The following LAD1 variants were observed in gnomAD, a reference collection of about 807,000 sequenced individuals.
LAD1 encodes ladinin 1.
In LAD1, 53 loss-of-function variants were observed where a neutral mutation model predicts 54.2. The ratio of observed to expected loss-of-function variants is 0.98; its 90% confidence interval spans 0.78 to 1.23. The LOEUF (loss-of-function observed/expected upper bound fraction) is 1.23, where lower values mean the gene tolerates loss of function less well. Ranked by LOEUF, LAD1 falls within the 50% of genes most tolerant of loss-of-function variation. The pLI is 0.00. For synonymous variants in LAD1, 231 were observed against 257.7 expected, an observed-to-expected ratio of 0.90 and a Z score of 0.99; for missense variants, 637 against 653.3, an observed-to-expected ratio of 0.98 and a Z score of 0.27.
chr1:201,389,075 C>T, intron 2 of LAD1, 85 bp downstream of exon 2: 1 of 1,493,052 alleles, frequency 6.7e-7, no homozygotes, highest in Non-Finnish European at 9.1e-7. Context: ...TGGGCCCCAA[C>T]TCCCTGAGCA....
chr1:201,398,219 G>A (rs1662334816), intron 1 of LAD1, among the ~76,000 whole-genome samples: 1 of 152,206 alleles, frequency 6.6e-6, no homozygotes, highest in South Asian at 2.1e-4. Context: ...CTAGAGCACT[G>A]GAAAAACCTG....
At chr1:201,395,261 A>C (rs1662268878) in intron 1 of LAD1, among the ~76,000 whole-genome samples, 1 of 152,226 alleles carries the variant, frequency 6.6e-6, no homozygotes, top group African/African-American at 2.4e-5. Context: ...GGAAGGGCAA[A>C]GCCCAGTCCC....
intron 1 of LAD1, among the ~76,000 whole-genome samples, chr1:201,397,809 GCC>G (rs1662324542): frequency 2.0e-4 from 2 of 9,934 alleles, no homozygotes; most frequent in South Asian, 6.0e-3. Flanking sequence ...CCACAAGTAT[GCC>G]ACACACACAC....
At chr1:201,394,683 C>A (rs780460788) in intron 1 of LAD1, among the ~76,000 whole-genome samples, 7 of 152,224 alleles carry the variant, frequency 4.6e-5, no homozygotes, top group African/African-American at 1.7e-4. Flanking sequence ...GATTTAGAAA[C>A]GCCAACTTCT....
chr1:201,386,648 A>G lies in LAD1; in HGVS notation c.713T>C (p.Val238Ala). Residue 238 changes from valine to alanine, a missense_variant, in exon 3 of 10, where the codon GTC becomes GCC. Val to Ala is a moderately conservative substitution (Grantham distance 64). Coordinates refer to ENST00000391967, the MANE Select transcript of LAD1 (RefSeq NM_005558.4). Reference sequence around the variant, plus strand: ...CCCTGGGGCCAGCGACTTCTCAGAGACACTGGTTTTTTCTAGAACAGACTT... The same window carrying G: ...CCCTGGGGCCAGCGACTTCTCAGAGGCACTGGTTTTTTCTAGAACAGACTT... ...EKKSVLEKTS[V>A]SEKSLAPGMA... is the part of the protein sequence containing the mutation. 6.2e-7 allele frequency: 1 copy of G among 1,614,014 alleles called. No homozygotes were observed. Among genetic ancestry groups the G allele is most frequent in the Non-Finnish European group, 8.5e-7 (1 of 1,179,950 alleles).
chr1:201,387,036 T>C lies in LAD1; in HGVS notation c.325A>G (p.Ile109Val), dbSNP rs776674635. The change falls in exon 3 of 10, where the codon ATC becomes GTC. Residue 109 changes from isoleucine (I) to valine (V), a missense_variant. Ile to Val is a conservative substitution (Grantham distance 29). Transcript: ENST00000391967. ...TCCTCTGCCTCCAGCCTCTCCTGGA[T>C]GGGGGCCTGTGCAGCCTCCACCACC... ...RQVVEAAQAP[I>V]QERLEAEEGR... 5 of 1,612,062 alleles carry C rather than the reference T, an allele frequency of 3.1e-6. No individual in the cohort carries two copies. The highest frequency in any genetic ancestry group is 3.4e-6 in the Non-Finnish European group (4 of 1,179,208).
intron 2 of LAD1, among the ~76,000 whole-genome samples, chr1:201,387,951 T>C (rs1449924527): frequency 6.6e-6 from 1 of 152,194 alleles, no homozygotes; most frequent in African/African-American, 2.4e-5. Context: ...ATCTACAAAC[T>C]GGGCTTGTTA....
At chr1:201,395,345 T>G (rs1385054055) in intron 1 of LAD1, among the ~76,000 whole-genome samples, 3 of 152,152 alleles carry the variant, frequency 2.0e-5, no homozygotes, top group Admixed American at 6.5e-5. Context: ...CAAAACAGTG[T>G]TAGGCACTTC....
intron 5 of LAD1, chr1:201,383,677 G>T (rs112813892): frequency 3.8e-5 from 17 of 443,166 alleles, no homozygotes; most frequent in Admixed American, 6.9e-5. Flanking sequence ...CTTCCTTTCC[G>T]TCTTCCCCAT....
chr1:201,389,154 A>T lies in LAD1; in HGVS notation c.182+6T>A, dbSNP rs1344174950. The T allele has an allele frequency of 6.2e-7, 1 of 1,613,346 alleles. No homozygotes were observed. Among genetic ancestry groups the T allele is most frequent in the Non-Finnish European group, 8.5e-7 (1 of 1,179,514 alleles). ...CATCCATCAGGATAGAAACCTGAGC[A>T]CCTACCTCTCAGAAGCAGAGGCCTG... On this transcript the variant is annotated splice_donor_region_variant and intron_variant, in intron 2 of 9. Transcript: ENST00000391967.
chr1:201,396,547 GA>G (rs1662293603), intron 1 of LAD1, among the ~76,000 whole-genome samples: 1 of 152,162 alleles, frequency 6.6e-6, no homozygotes, highest in Non-Finnish European at 1.5e-5. Context: ...ATCATAGACA[GA>G]AGCCCATTAT....
Position 201,383,327 on chromosome 1 carries a change from G to A in LAD1, c.1238C>T (p.Thr413Met), listed in dbSNP as rs766720549. 113 of 1,613,900 alleles carry A rather than the reference G, an allele frequency of 7.0e-5. No individual in the cohort carries two copies. The Middle Eastern group carries it at 9.9e-4, about 14-fold the overall frequency. The change falls in exon 6 of 10, where the codon ACG (threonine) becomes ATG (methionine). Residue 413 changes from threonine (T) to methionine (M), a missense_variant. Physicochemically the swap from Thr to Met is moderately conservative, Grantham distance 81. Coordinates refer to ENST00000391967, the MANE Select transcript of LAD1 (RefSeq NM_005558.4). Reference protein sequence around the residue: ...KLGEKLERYHTAIRRSESVKS... With the variant: ...KLGEKLERYHMAIRRSESVKS... ...GAAGCCCCCACCCACCCGTATGGCC[G>A]TGTGGTATCTCTCCAGCTTCTCTCC...
rs7545568 is a variant in LAD1 at position 201,383,891 on chromosome 1, A to G, written c.1176-502T>C. ...CAGCCAGCTGGACACCATGCTCTTC[A>G]CTCTGCCTTTTTCACATGCTGTTCC... is the stretch of plus-strand genomic sequence containing the variant. On this transcript the variant is annotated intron_variant, in intron 5 of 9. Transcript: ENST00000391967. Among the ~76,000 whole-genome samples the G allele has an allele frequency of 2.3e-3, 343 of 152,006 alleles. 3 individuals carry two copies. The highest frequency in any genetic ancestry group is 7.6e-3 in the African/African-American group (316 of 41,418).
rs34525025 is a variant in LAD1, at chr1:201,387,065, C to T, written c.296G>A (p.Arg99Gln). Residue 99 changes from arginine (R) to glutamine (Q), a missense_variant, in exon 3 of 10, where the codon CGG (arginine) becomes CAG (glutamine). Arg to Gln is a conservative substitution (Grantham distance 43). Coordinates refer to ENST00000391967, the MANE Select transcript of LAD1 (RefSeq NM_005558.4). ...LRTRQERRQRRQVVEAAQAPI... is the reference protein window; with the variant it reads ...LRTRQERRQRQQVVEAAQAPI... The stretch of plus-strand genomic sequence containing the variant: ...GGCCTGTGCAGCCTCCACCACCTGC[C>T]GCCTCTGCCTCCGCTCCTGCCGTGT... 1.2e-4 allele frequency: 187 copies of T among 1,612,024 alleles called. No homozygotes were observed. The African/African-American group carries it at 2.0e-3, about 17-fold the overall frequency.
chr1:201,383,505 T>C (rs1231137794), intron 5 of LAD1, 116 bp from the exon 6 acceptor site: 4 of 964,844 alleles, frequency 4.1e-6, no homozygotes, highest in Non-Finnish European at 6.8e-6. Context: ...CAAGAGAATG[T>C]GGCCCTCCAT....
chr1:201,382,451 A>G, intron 8 of LAD1, 125 bp from the exon 9 acceptor site: 1 of 831,212 alleles, frequency 1.2e-6, no homozygotes, highest in Non-Finnish European at 2.0e-6. Context: ...AGGAACCCAG[A>G]CCCACCCCTC....
chr1:201,396,754 G>A (rs1208175552), intron 1 of LAD1, among the ~76,000 whole-genome samples: 1 of 152,150 alleles, frequency 6.6e-6, no homozygotes, highest in Non-Finnish European at 1.5e-5. Context: ...ACCTGAGCAG[G>A]GCAGGCCTTA....
chr1:201,394,791 A>T (rs957176897), intron 1 of LAD1, among the ~76,000 whole-genome samples: 1 of 152,140 alleles, frequency 6.6e-6, no homozygotes, highest in Non-Finnish European at 1.5e-5. Flanking sequence ...TCCAAAGCTG[A>T]GGGATCCAAA....
chr1:201,382,994 C>T, intron 7 of LAD1, 80 bp downstream of exon 7: 2 of 1,494,016 alleles, frequency 1.3e-6, no homozygotes, highest in Admixed American at 2.1e-5. Flanking sequence ...AGTTTTCTAG[C>T]ATTGCCACAG....
Sources: allele counts gnomAD v4.1 joint callset (sites outside exome capture counted in the v4.1 genomes callset), GRCh38; gene constraint gnomAD v4.1.1; transcripts MANE v1.5; gene names NCBI Gene and HGNC (gene_info 2026-07-23, HGNC 2026-07-21).